The following RMC1 variants were observed in gnomAD, a reference collection of about 807,000 sequenced individuals.
RMC1 encodes the protein regulator of MON1-CCZ1.
RMC1 carries 44 observed loss-of-function variants against 95.5 expected under a neutral mutation model. The ratio of observed to expected loss-of-function variants is 0.46; its 90% CI spans 0.36 to 0.59. RMC1 has a LOEUF of 0.59. Among genes scored for constraint, RMC1 ranks in the 20% least tolerant of loss-of-function variants. The pLI is 0.00. For synonymous variants in RMC1, 320 were observed against 303.6 expected (o/e 1.05, Z -0.56); for missense variants, 705 against 819.6 (o/e 0.86, Z 1.71).
chr18:23,529,400 T>G lies in RMC1; in HGVS notation c.1416+102T>G. ...TGTGATTAGAGTCACTTGAAGTGAT[T>G]AGAATCACTGGAGTTTCCTTGGGTG... is the stretch of plus-strand genomic sequence containing the variant. On this transcript the variant is annotated intron_variant, in intron 15 of 19. Transcript: ENST00000269221. The G allele has an allele frequency of 2.0e-6, 3 of 1,480,084 alleles. No individual in the cohort carries two copies. In the South Asian group the frequency reaches 4.1e-5, roughly 20 times the overall value. The allele number at this position is 1,480,084 out of a possible 1,614,324, so 91.7% of individuals were successfully genotyped here. A position where few individuals can be genotyped will look rare whatever the true frequency, so the allele number is the denominator to read the frequency against.
chr18:23,508,123 C>T (rs1010402292), intron 4 of RMC1, 82 bp downstream of exon 4: 11 of 1,258,116 alleles, frequency 8.7e-6, no homozygotes, highest in Admixed American at 2.5e-5. Flanking sequence ...GCATTGGGGT[C>T]GCAGGGAGCA....
intron 14 of RMC1, chr18:23,528,187 A>G (rs2058364735): frequency 3.9e-6 from 1 of 259,650 alleles, no homozygotes; most frequent in East Asian, 8.0e-5. Flanking sequence ...CTACTGTTAT[A>G]GATGAGAAAA....
At chr18:23,525,718 C>T (rs889203411) in intron 12 of RMC1, among the ~76,000 whole-genome samples, 2 of 152,054 alleles carry the variant, frequency 1.3e-5, no homozygotes, top group East Asian at 1.9e-4. Flanking sequence ...CCACCACAGC[C>T]GGCCTATAAT....
chr18:23,511,975 T>C (rs1388362630), intron 5 of RMC1, among the ~76,000 whole-genome samples: 2 of 152,014 alleles, frequency 1.3e-5, no homozygotes, highest in Non-Finnish European at 2.9e-5. Flanking sequence ...GACTGGATAT[T>C]ATCAGTCTAT....
chr18:23,530,695 TG>T, intron 19 of RMC1, 83 bp downstream of exon 19: 1 of 1,327,632 alleles, frequency 7.5e-7, no homozygotes, highest in Non-Finnish European at 1.0e-6. Context: ...GCGAGGACCC[TG>T]GGTTAGCATT....
intron 8 of RMC1, 31 bp from the exon 9 acceptor site, chr18:23,519,038 G>T (rs779323321): frequency 4.3e-6 from 7 of 1,612,918 alleles, no homozygotes; most frequent in East Asian, 2.2e-5. Flanking sequence ...ACTGCAGCTT[G>T]TTGATCTGTT....
At chr18:23,516,636 T>C (rs1050345930) in intron 7 of RMC1, among the ~76,000 whole-genome samples, 1 of 152,220 alleles carries the variant, frequency 6.6e-6, no homozygotes, top group African/African-American at 2.4e-5. Flanking sequence ...AGCTTTGTGA[T>C]GCTAAGGAAT....
chr18:23,526,766 G>GT lies in RMC1; in HGVS notation c.1189+2dup, dbSNP rs1442421423. The GT allele has an allele frequency of 1.2e-6, 2 of 1,613,846 alleles. No individual in the cohort carries two copies. On this transcript the variant is annotated splice_donor_variant, in intron 13 of 19. Transcript: ENST00000269221. LOFTEE classifies it high-confidence loss of function. ...GTCATCCTGTCTGTCTGTTCACAGA[G>GT]TAAGTTGAATCCTTCCCCCTTGCTC...
chr18:23,525,438 T>A (rs764057557), intron 12 of RMC1, among the ~76,000 whole-genome samples: 4 of 151,756 alleles, frequency 2.6e-5, no homozygotes, highest in East Asian at 1.9e-4. Flanking sequence ...TAATAATAAT[T>A]ATTTTGAGAC....
At chr18:23,513,432 TCC>T (rs1478647684) in intron 5 of RMC1, among the ~76,000 whole-genome samples, 1 of 152,256 alleles carries the variant, frequency 6.6e-6, no homozygotes, top group African/African-American at 2.4e-5. Flanking sequence ...ATTTTGCTTA[TCC>T]ATTCATCTGT....
Position 23,503,702 on chromosome 18 carries a change from C to G in RMC1, c.84C>G (p.Phe28Leu). The change falls in exon 1 of 20, where the codon TTC (phenylalanine) becomes TTG (leucine). Residue 28 changes from phenylalanine to leucine, a missense_variant. Transcript: ENST00000269221. ...EKANPVNCVF[F>L]DEANKQVFAV... ...CGAACCCTGTCAACTGCGTCTTCTT[C>G]GATGAGGCCAACAAGCAGGTCCGGC... The G allele has an allele frequency of 5.0e-6, 8 of 1,591,878 alleles. No individual in the cohort carries two copies. Among genetic ancestry groups the G allele is most frequent in the Non-Finnish European group, 6.8e-6 (8 of 1,169,766 alleles).
chr18:23,516,139 C>G, intron 6 of RMC1, 143 bp downstream of exon 6: 3 of 1,357,924 alleles, frequency 2.2e-6, no homozygotes, highest in Non-Finnish European at 3.1e-6. Flanking sequence ...ACTCTGTATA[C>G]CCGTCAGCTC....
intron 1 of RMC1, among the ~76,000 whole-genome samples, chr18:23,504,165 C>G (rs2057658326): frequency 6.6e-6 from 1 of 152,240 alleles, no homozygotes. Context: ...GAACCCGACC[C>G]GGTGTCACGG....
rs1053868734 is a variant in RMC1, at chr18:23,524,321, C to T, written c.1007-108C>T. The T allele has an allele frequency of 5.6e-5, 83 of 1,492,724 alleles. No homozygotes were observed. The East Asian group carries it at 1.7e-3, about 31-fold the overall frequency. 92.5% of individuals were successfully genotyped at this position (1,492,724 alleles called of 1,614,324 possible). A position where few individuals can be genotyped will look rare whatever the true frequency, so the allele number is the denominator to read the frequency against. On this transcript the variant is annotated intron_variant, in intron 11 of 19. Transcript: ENST00000269221. ...CTTCCCTGACTGTCCAGGGGCCTCG[C>T]GTTTAGCGTGGACTCAGTACATGGT...
At chr18:23,519,539 A>C (rs2058092793) in intron 9 of RMC1, among the ~76,000 whole-genome samples, 1 of 152,084 alleles carries the variant, frequency 6.6e-6, no homozygotes, top group African/African-American at 2.4e-5. Context: ...AAAAATTGGC[A>C]AAATGTCTGA....
At position 23,503,614 on chromosome 18, in the gene RMC1, C is replaced by T; in HGVS notation, c.-5C>T. 6.5e-7 allele frequency: 1 copy of T among 1,547,980 alleles called. No homozygotes were observed. The highest frequency in any genetic ancestry group is 8.7e-7 in the Non-Finnish European group (1 of 1,147,840). ...GGGGCCCCCGCCGCGGGCGCGGCGCCCGCCATGGGCGAGGAGGACTACTAT... is the reference window on the plus strand; with the variant it reads ...GGGGCCCCCGCCGCGGGCGCGGCGCTCGCCATGGGCGAGGAGGACTACTAT... On this transcript the variant is annotated 5_prime_UTR_variant, in exon 1 of 20. Coordinates refer to ENST00000269221, the MANE Select transcript of RMC1 (RefSeq NM_013326.5).
rs1310747267 is a variant in RMC1 at position 23,531,809 on chromosome 18, A to C, written c.*105A>C. On this transcript the variant is annotated 3_prime_UTR_variant, in exon 20 of 20. Coordinates refer to ENST00000269221, the MANE Select transcript of RMC1 (RefSeq NM_013326.5). ...GTTATAAAGTGTATCTACAACCTCA[A>C]CTGTCACTAAAAATATGGTATAGAA... The C allele has an allele frequency of 6.6e-7, 1 of 1,511,752 alleles. No individual in the cohort carries two copies. Among genetic ancestry groups the C allele is most frequent in the African/African-American group, 1.4e-5 (1 of 70,712 alleles). The allele number at this position is 1,511,752 out of a possible 1,614,324, so 93.6% of individuals were successfully genotyped here.
rs2058076662 is a variant in RMC1 at position 23,518,940 on chromosome 18, A to G, written c.704A>G (p.Asn235Ser). 1 of 1,614,216 alleles carries G rather than the reference A, an allele frequency of 6.2e-7. No homozygotes were observed. The highest frequency in any genetic ancestry group is 8.5e-7 in the Non-Finnish European group (1 of 1,180,024). The change falls in exon 8 of 20, where the codon AAC becomes AGC. Residue 235 changes from asparagine to serine, a missense_variant. Coordinates refer to ENST00000269221, the MANE Select transcript of RMC1 (RefSeq NM_013326.5). Reference protein sequence around the residue: ...LFLRHHSRTSNSTGAEVVLYH... With the variant: ...LFLRHHSRTSSSTGAEVVLYH... ...TTGAGGCATCATTCTCGGACCTCCA[A>G]CAGCACAGGAGCGGAGGTGGTCCTC... is the stretch of plus-strand genomic sequence containing the variant.
rs1012739717 is a variant in RMC1 at position 23,520,322 on chromosome 18, G to A, written c.961+9G>A. ...TCAGATCCCCATCACAGGTAACACG[G>A]GTTCTGTAGAGGAGTCTGTGCTGCC... On this transcript the variant is annotated intron_variant, in intron 10 of 19. Coordinates refer to ENST00000269221, the MANE Select transcript of RMC1 (RefSeq NM_013326.5). The A allele has an allele frequency of 6.2e-6, 10 of 1,603,714 alleles. No homozygotes were observed. Among genetic ancestry groups the A allele is most frequent in the Non-Finnish European group, 8.5e-6 (10 of 1,170,970 alleles).
Sources: gnomAD v4.1 joint callset for allele counts (sites outside exome capture counted in the v4.1 genomes callset) on GRCh38, gnomAD v4.1.1 for gene constraint, MANE v1.5 for transcripts, NCBI Gene and HGNC (gene_info 2026-07-23, HGNC 2026-07-21) for gene names.